The following ATF6B variants were observed in gnomAD, a reference collection of about 807,000 sequenced individuals.
The protein encoded by ATF6B is cyclic AMP-dependent transcription factor ATF-6 beta.
Under a neutral mutation model 83.5 loss-of-function variants are expected in ATF6B, and 50 were observed. The observed-to-expected ratio is 0.60, with a 90% CI of 0.48 to 0.76. The LOEUF (loss-of-function observed/expected upper bound fraction) is 0.76. Ranked by LOEUF, ATF6B falls within the 30% of genes least tolerant of loss-of-function variation. The pLI is 0.00. For synonymous variants in ATF6B, 344 were observed against 362.8 expected (o/e 0.95, Z 0.59); for missense variants, 790 against 893.8 (o/e 0.88, Z 1.48).
At chr6:32,122,739 C>G (rs1382184027) in intron 5 of ATF6B, among the ~76,000 whole-genome samples, 3 of 150,482 alleles carry the variant, frequency 2.0e-5, no homozygotes, top group African/African-American at 7.3e-5. Context: ...GTCCCAGCAA[C>G]TTGGGAGACT....
Position 32,128,113 on chromosome 6 carries a change from T to C in ATF6B, c.91+4A>G, listed in dbSNP as rs774621497. The C allele has an allele frequency of 6.2e-7, 1 of 1,612,752 alleles. No individual in the cohort carries two copies. Among genetic ancestry groups the C allele is most frequent in the East Asian group, 2.2e-5 (1 of 44,858 alleles). ...ACAGCCCTCTCCCCTCCCCGGTGCC[T>C]CACTCTGCAGACCCCAGTCCTCCGG... On this transcript the variant is annotated splice_donor_region_variant and intron_variant, in intron 1 of 17. Transcript: ENST00000375203.
Position 32,118,706 on chromosome 6 carries a change from A to T in ATF6B, c.1244+69T>A. ...AGCAGAAGGAAATGGCCTGGGCCAAAGCAGGCAGCTAGGAGGCTGTAACGT... is the reference window on the plus strand; with the variant it reads ...AGCAGAAGGAAATGGCCTGGGCCAATGCAGGCAGCTAGGAGGCTGTAACGT... On this transcript the variant is annotated intron_variant, in intron 11 of 17. Coordinates refer to ENST00000375203, the MANE Select transcript of ATF6B (RefSeq NM_004381.5). This position sits in a 1 kb window ranked among gnomAD's most constrained non-coding sequence, Gnocchi z 5.2. The T allele has an allele frequency of 6.6e-7, 1 of 1,513,996 alleles. No homozygotes were observed. The highest frequency in any genetic ancestry group is 9.2e-7 in the Non-Finnish European group (1 of 1,092,266). The allele number at this position is 1,513,996 out of a possible 1,614,324, so 93.8% of individuals were successfully genotyped here.
chr6:32,126,052 C>A, intron 5 of ATF6B, 65 bp downstream of exon 5: 2 of 1,501,166 alleles, frequency 1.3e-6, no homozygotes, highest in East Asian at 2.4e-5. Context: ...TACACACATA[C>A]ACACACACAC....
In ATF6B at chr6:32,119,713, CTT is replaced by C. The variant is rs1338057860; in HGVS notation, c.966+109_966+110del. On this transcript the variant is annotated intron_variant, in intron 9 of 17. Coordinates refer to ENST00000375203, the MANE Select transcript of ATF6B (RefSeq NM_004381.5). This position sits in a 1 kb window ranked among gnomAD's most constrained non-coding sequence, Gnocchi z 4.9. ...ATGATCTAATGGGTCCGTTTCCTCACTTTTTTCTCCTAGGTATCGACTCCCTC... is the reference window on the plus strand; with the variant it reads ...ATGATCTAATGGGTCCGTTTCCTCACTTTTCTCCTAGGTATCGACTCCCTC... The C allele has an allele frequency of 4.0e-6, 6 of 1,483,604 alleles. No homozygotes were observed. Among genetic ancestry groups the C allele is most frequent in the African/African-American group, 1.4e-5 (1 of 71,028 alleles). 91.9% of individuals were successfully genotyped at this position (1,483,604 alleles called of 1,614,324 possible). A position where few individuals can be genotyped will look rare whatever the true frequency, so the allele number is the denominator to read the frequency against.
In ATF6B at chr6:32,119,429, T is replaced by C. The variant is rs1781664972; in HGVS notation, c.967-288A>G. 1.3e-5 allele frequency among the ~76,000 whole-genome samples: 2 copies of C among 152,360 alleles called. No individual in the cohort carries two copies. Among genetic ancestry groups the C allele is most frequent in the Non-Finnish European group, 2.9e-5 (2 of 68,034 alleles). On this transcript the variant is annotated intron_variant, in intron 9 of 17. Transcript: ENST00000375203. This position sits in a 1 kb window ranked among gnomAD's most constrained non-coding sequence, Gnocchi z 4.9. ...TCTTTCCTTCGTAACTCTTTCTTCCTGTCAGCCCACATTTGTAGGGTTCAA... is the reference window on the plus strand; with the variant it reads ...TCTTTCCTTCGTAACTCTTTCTTCCCGTCAGCCCACATTTGTAGGGTTCAA...
rs778604178 is a variant in ATF6B at position 32,116,215 on chromosome 6, AAAGT to A, written c.1883-251_1883-248del. 3.4e-4 allele frequency among the ~76,000 whole-genome samples: 52 copies of A among 152,050 alleles called. No homozygotes were observed. Among genetic ancestry groups the A allele is most frequent in the Non-Finnish European group, 7.2e-4 (49 of 67,986 alleles). The stretch of plus-strand genomic sequence containing the variant: ...ACACAGGAGAGGACATCAAGAGAAA[AAAGT>A]AAGTGAGAGTCTAGCAGGTTCCCGG... On this transcript the variant is annotated intron_variant, in intron 17 of 17. Coordinates refer to ENST00000375203, the MANE Select transcript of ATF6B (RefSeq NM_004381.5). The surrounding 1 kb of genome is among the most constrained non-coding windows in gnomAD (Gnocchi z 5.1).
chr6:32,120,384 C>T (rs539838438), intron 8 of ATF6B: 1 of 157,790 alleles, frequency 6.3e-6, no homozygotes, highest in East Asian at 1.8e-4. Flanking sequence ...AGGCGTGAGC[C>T]ACTGTGCCTG....
In ATF6B at chr6:32,116,120, T is replaced by C. The variant is rs1286575186; in HGVS notation, c.1883-152A>G. The C allele has an allele frequency of 3.1e-6, 2 of 643,614 alleles. No homozygotes were observed. The highest frequency in any genetic ancestry group is 5.4e-6 in the Non-Finnish European group (2 of 373,772). 39.9% of individuals were successfully genotyped at this position (643,614 alleles called of 1,614,324 possible). ...GATCCATAGCGGGAGTTAAACAGGATGGCAGGGACAGAGTTTGGTGCAGGG... is the reference window on the plus strand; with the variant it reads ...GATCCATAGCGGGAGTTAAACAGGACGGCAGGGACAGAGTTTGGTGCAGGG... On this transcript the variant is annotated intron_variant, in intron 17 of 17. Coordinates refer to ENST00000375203, the MANE Select transcript of ATF6B (RefSeq NM_004381.5). The surrounding 1 kb of genome is among the most constrained non-coding windows in gnomAD (Gnocchi z 5.1).
chr6:32,119,021 C>A lies in ATF6B; in HGVS notation c.1087G>T (p.Asp363Tyr), dbSNP rs1430357494. Residue 363 changes from aspartate to tyrosine, a missense_variant, in exon 10 of 18, where the codon GAC becomes TAC. This residue lies in a region of ATF6B where 530 missense variants were observed against 632.6 expected (regional missense o/e 0.84). Coordinates refer to ENST00000375203, the MANE Select transcript of ATF6B (RefSeq NM_004381.5). This position sits in a 1 kb window ranked among gnomAD's most constrained non-coding sequence, Gnocchi z 4.9. ...TTCTCTCGGCGGAGCTGCTGGTTGT[C>A]AGCCAGTACTGCTTGCAGCCGAGCC... ...LEARLQAVLA[D>Y]NQQLRRENAA... 1 of 1,614,046 alleles carries A rather than the reference C, an allele frequency of 6.2e-7. No individual in the cohort carries two copies. Among genetic ancestry groups the A allele is most frequent in the Non-Finnish European group, 8.5e-7 (1 of 1,180,014 alleles).
chr6:32,115,636 T>G lies in ATF6B; in HGVS notation c.*103A>C, dbSNP rs1781492988. ...TTAACCCCCACACCTGCTCTTTCCT[T>G]TACCAATTGCCCCAAGCCTGGGGAT... On this transcript the variant is annotated 3_prime_UTR_variant, in exon 18 of 18. Coordinates refer to ENST00000375203, the MANE Select transcript of ATF6B (RefSeq NM_004381.5). 1 of 1,065,368 alleles carries G rather than the reference T, an allele frequency of 9.4e-7. No homozygotes were observed. The highest frequency in any genetic ancestry group is 1.6e-5 in the African/African-American group (1 of 62,928). The allele number at this position is 1,065,368 out of a possible 1,614,324, so 66.0% of individuals were successfully genotyped here. A position where few individuals can be genotyped will look rare whatever the true frequency, so the allele number is the denominator to read the frequency against.
chr6:32,115,639 C>A lies in ATF6B; in HGVS notation c.*100G>T. 8 of 1,083,626 alleles carry A rather than the reference C, an allele frequency of 7.4e-6. No homozygotes were observed. Among genetic ancestry groups the A allele is most frequent in the Non-Finnish European group, 1.1e-5 (8 of 745,794 alleles). The allele number at this position is 1,083,626 out of a possible 1,614,324, so 67.1% of individuals were successfully genotyped here. A position where few individuals can be genotyped will look rare whatever the true frequency, so the allele number is the denominator to read the frequency against. ...ACCCCCACACCTGCTCTTTCCTTTA[C>A]CAATTGCCCCAAGCCTGGGGATCAG... On this transcript the variant is annotated 3_prime_UTR_variant, in exon 18 of 18. Coordinates refer to ENST00000375203, the MANE Select transcript of ATF6B (RefSeq NM_004381.5).
Position 32,116,042 on chromosome 6 carries a change from C to T in ATF6B, c.1883-74G>A, listed in dbSNP as rs1781518182. The T allele has an allele frequency of 3.4e-6, 4 of 1,179,592 alleles. No individual in the cohort carries two copies. The highest frequency in any genetic ancestry group is 4.9e-6 in the Non-Finnish European group (4 of 820,470). 73.1% of individuals were successfully genotyped at this position (1,179,592 alleles called of 1,614,324 possible). A position where few individuals can be genotyped will look rare whatever the true frequency, so the allele number is the denominator to read the frequency against. ...GATTGCAGGGAGGAGGGGAGGAGGT[C>T]AGAAAAGTAGAGGTGAGCAGAGAGA... On this transcript the variant is annotated intron_variant, in intron 17 of 17. Coordinates refer to ENST00000375203, the MANE Select transcript of ATF6B (RefSeq NM_004381.5). The surrounding 1 kb of genome is among the most constrained non-coding windows in gnomAD (Gnocchi z 5.1).
rs1782070364 is a variant in ATF6B, at chr6:32,128,170, G to A, written c.38C>T (p.Pro13Leu). ...ELMLLSEIAD[P>L]TRFFTDNLLS... ...CAGGTTGTCGGTGAAGAAACGCGTC[G>A]GGTCAGCAATCTCGCTGAGCAGCAT... The change falls in exon 1 of 18, where the codon CCG (proline) becomes CTG (leucine). Residue 13 changes from proline (P) to leucine (L), a missense_variant. Around this residue, in one of 3 missense-constraint regions of ATF6B, gnomAD observed 253 missense variants for 243.1 expected, o/e 1.04. Transcript: ENST00000375203. 5.0e-6 allele frequency: 8 copies of A among 1,612,556 alleles called. No individual in the cohort carries two copies. The highest frequency in any genetic ancestry group is 1.3e-5 in the African/African-American group (1 of 74,758).
chr6:32,121,837 C>G (rs987992852), intron 5 of ATF6B, among the ~76,000 whole-genome samples: 3 of 152,126 alleles, frequency 2.0e-5, no homozygotes, highest in Non-Finnish European at 2.9e-5. Flanking sequence ...TGGCTCTCCG[C>G]CCCGCTTTTC....
At position 32,125,768 on chromosome 6, in the gene ATF6B, A is replaced by G. The variant is rs921449125; in HGVS notation, c.478+349T>C. Among the ~76,000 whole-genome samples, 5 of 152,200 alleles carry G rather than the reference A, an allele frequency of 3.3e-5. No individual in the cohort carries two copies. Among genetic ancestry groups the G allele is most frequent in the Non-Finnish European group, 2.9e-5 (2 of 68,032 alleles). ...AGTGTGAGACTCTGTCTCAACAACA[A>G]CAAAAATGTTTATAATAAAATGTTG... On this transcript the variant is annotated intron_variant, in intron 5 of 17. Transcript: ENST00000375203. The surrounding 1 kb of genome is among the most constrained non-coding windows in gnomAD (Gnocchi z 4.1).
intron 3 of ATF6B, 112 bp downstream of exon 3, chr6:32,127,330 G>A: frequency 1.5e-6 from 2 of 1,358,670 alleles, no homozygotes; most frequent in Middle Eastern, 1.9e-4. Flanking sequence ...GAAGGAGAGA[G>A]GATAGGCACT....
In ATF6B at chr6:32,119,126, G is replaced by C; in HGVS notation, c.982C>G (p.Arg328Gly). The stretch of plus-strand genomic sequence containing the variant: ...CGGTTCTTGATCATTCGCTGCTGCC[G>C]CTTCAGCAGCTTTGCCTAGGCACCC... ...PPEVDAKLLK[R>G]QQRMIKNRES... Residue 328 changes from arginine to glycine, a missense_variant, in exon 10 of 18, where the codon CGG (arginine) becomes GGG (glycine). Arg to Gly is a moderately radical substitution (Grantham distance 125). This residue lies in a region of ATF6B where 530 missense variants were observed against 632.6 expected (regional missense o/e 0.84). Transcript: ENST00000375203. This position sits in a 1 kb window ranked among gnomAD's most constrained non-coding sequence, Gnocchi z 4.9. 6.2e-7 allele frequency: 1 copy of C among 1,610,610 alleles called. No individual in the cohort carries two copies. Among genetic ancestry groups the C allele is most frequent in the Non-Finnish European group, 8.5e-7 (1 of 1,179,358 alleles).
rs756172795 is a variant in ATF6B at position 32,121,108 on chromosome 6, T to C, written c.581A>G (p.Glu194Gly). ...DSSSQAFIGE[E>G]VLEVKTESLS... ...GGACTCTGTCTTCACTTCCAGGACC[T>C]CCTCTCCTATAAAAGCCTATGTGGG... Residue 194 changes from glutamate to glycine, a missense_variant, in exon 7 of 18, where the codon GAG becomes GGG. Transcript: ENST00000375203. 1.3e-6 allele frequency: 2 copies of C among 1,575,276 alleles called. No homozygotes were observed. Among genetic ancestry groups the C allele is most frequent in the Non-Finnish European group, 1.7e-6 (2 of 1,162,274 alleles).
In ATF6B at chr6:32,116,404, C is replaced by T; in HGVS notation, c.1882+76G>A. 1 of 1,421,256 alleles carries T rather than the reference C, an allele frequency of 7.0e-7. No homozygotes were observed. Among genetic ancestry groups the T allele is most frequent in the East Asian group, 2.3e-5 (1 of 42,808 alleles). The allele number at this position is 1,421,256 out of a possible 1,614,324, so 88.0% of individuals were successfully genotyped here. On this transcript the variant is annotated intron_variant, in intron 17 of 17. Transcript: ENST00000375203. The surrounding 1 kb of genome is among the most constrained non-coding windows in gnomAD (Gnocchi z 5.1). Reference sequence around the variant, plus strand: ...GCAGCTCTCTGGATGCCCTGCTCCTCTCCCCCTTCCCCCTCAGCTCCCAGG... The same window carrying T: ...GCAGCTCTCTGGATGCCCTGCTCCTTTCCCCCTTCCCCCTCAGCTCCCAGG...
Sources: allele counts gnomAD v4.1 joint callset (sites outside exome capture counted in the v4.1 genomes callset), GRCh38; gene constraint gnomAD v4.1.1; regional missense constraint gnomAD v4.1.1; non-coding constraint Gnocchi (gnomAD v3.1); transcripts MANE v1.5; gene names NCBI Gene and HGNC (gene_info 2026-07-23, HGNC 2026-07-21).